RHEX: variants seen among roughly 807,000 people sequenced by gnomAD.
The protein encoded by RHEX is regulator of hemoglobinization and erythroid cell expansion.
A neutral mutation model predicts 20.1 loss-of-function variants in RHEX; 18 were observed. That is an observed-to-expected ratio of 0.90 (90% confidence interval 0.62 to 1.33). The LOEUF is 1.33. Among genes scored for constraint, RHEX ranks in the 40% most tolerant of loss-of-function variants. The pLI, the probability that RHEX is intolerant of heterozygous loss-of-function variation, is 0.00. For missense variants in RHEX, 192 were observed against 214.3 expected, an observed-to-expected ratio of 0.90 and a Z score of 0.65; for synonymous variants, 87 against 77.1, an observed-to-expected ratio of 1.13 and a Z score of -0.67.
Position 206,097,842 on chromosome 1 carries a change from G to T in RHEX, c.11+3G>T, listed in dbSNP as rs1199548385. On this transcript the variant is annotated splice_donor_region_variant and intron_variant, in intron 2 of 5. Coordinates refer to ENST00000331555, the MANE Select transcript of RHEX (RefSeq NM_001007544.4). ...AAGGAGCTCATCATGCTGACAGAGT[G>T]AGTGGGCCCAACAAGAGCAGGAGCA... 1 of 1,602,670 alleles carries T rather than the reference G, an allele frequency of 6.2e-7. No homozygotes were observed. The highest frequency in any genetic ancestry group is 8.6e-7 in the Non-Finnish European group (1 of 1,169,476).
At chr1:206,055,443 C>T (rs1225961366) in intron 1 of RHEX, among the ~76,000 whole-genome samples, 1 of 152,224 alleles carries the variant, frequency 6.6e-6, no homozygotes, top group Non-Finnish European at 1.5e-5. Context: ...TTTGGCTATC[C>T]CTTTCACCCT....
chr1:206,054,753 A>G (rs1553282346), intron 1 of RHEX, among the ~76,000 whole-genome samples: 4 of 152,400 alleles, frequency 2.6e-5, no homozygotes, highest in South Asian at 2.1e-4. Flanking sequence ...TCAGTTTAAA[A>G]TTAATAACAC....
intron 1 of RHEX, among the ~76,000 whole-genome samples, chr1:206,075,362 G>C (rs28814014): frequency 1.5e-3 from 228 of 152,308 alleles, no homozygotes; most frequent in African/African-American, 5.3e-3. Flanking sequence ...TGGATCATTG[G>C]CAGTGGACAT....
chr1:206,066,902 C>T (rs1662433586), intron 1 of RHEX, among the ~76,000 whole-genome samples: 1 of 152,180 alleles, frequency 6.6e-6, no homozygotes, highest in Admixed American at 6.5e-5. Flanking sequence ...ACATAAGGCA[C>T]AAAGCCACTT....
chr1:206,087,982 G>A (rs1427269913), intron 1 of RHEX, among the ~76,000 whole-genome samples: 3 of 152,218 alleles, frequency 2.0e-5, no homozygotes, highest in Middle Eastern at 3.4e-3. Context: ...AAAATAGGCC[G>A]GGTGCAGCGG....
At chr1:206,085,727 T>G (rs1040465586) in intron 1 of RHEX, among the ~76,000 whole-genome samples, 14 of 152,208 alleles carry the variant, frequency 9.2e-5, no homozygotes, top group African/African-American at 2.9e-4. Context: ...GAATCTCACT[T>G]TTTAGTCCAT....
chr1:206,081,906 C>T (rs782447130), intron 1 of RHEX, among the ~76,000 whole-genome samples: 16 of 152,138 alleles, frequency 1.1e-4, no homozygotes, highest in Non-Finnish European at 2.1e-4. Flanking sequence ...CCACAGTTAG[C>T]TGTAGCTTGA....
intron 1 of RHEX, among the ~76,000 whole-genome samples, chr1:206,080,720 C>T (rs1436208138): frequency 1.3e-5 from 2 of 152,202 alleles, no homozygotes; most frequent in Admixed American, 1.3e-4. Context: ...TGTCCCAGGG[C>T]TTGGCAGTTG....
intron 1 of RHEX, among the ~76,000 whole-genome samples, chr1:206,055,892 G>A (rs1329194476): frequency 1.3e-5 from 2 of 152,236 alleles, no homozygotes; most frequent in Non-Finnish European, 2.9e-5. Context: ...TCCAAACGCT[G>A]GCCCCCATGT....
chr1:206,071,344 G>A (rs73088164), intron 1 of RHEX, among the ~76,000 whole-genome samples: 5,847 of 152,058 alleles, frequency 0.038, 386 homozygotes, highest in African/African-American at 0.13. Context: ...AGATTAGATG[G>A]GTCCACCCGG....
Position 206,099,691 on chromosome 1 carries a change from T to C in RHEX, c.149T>C (p.Leu50Pro), listed in dbSNP as rs1249135839. The C allele has an allele frequency of 6.2e-6, 10 of 1,613,998 alleles. No homozygotes were observed. In the Admixed American group the frequency reaches 1.2e-4, roughly 19 times the overall value. The stretch of plus-strand genomic sequence containing the variant: ...GAACAGATACTGAAAGCGGCCAGTC[T>C]CCAGGTTCCCAGGCCCAGCCCTGGC... ...KSEQILKAAS[L>P]QVPRPSPGHH... The change falls in exon 4 of 6, where the codon CTC becomes CCC. Residue 50 changes from leucine (L) to proline (P), a missense_variant. Coordinates refer to ENST00000331555, the MANE Select transcript of RHEX (RefSeq NM_001007544.4).
intron 1 of RHEX, among the ~76,000 whole-genome samples, chr1:206,096,878 G>T (rs782435441): frequency 6.6e-6 from 1 of 150,674 alleles, no homozygotes; most frequent in South Asian, 2.1e-4. Flanking sequence ...GGGATCAAGC[G>T]ATCCTCCCAC....
At chr1:206,090,809 A>G (rs1662935809) in intron 1 of RHEX, among the ~76,000 whole-genome samples, 1 of 151,944 alleles carries the variant, frequency 6.6e-6, no homozygotes, top group African/African-American at 2.4e-5. Flanking sequence ...GCTAAATCTC[A>G]TGGTATTTTT....
At chr1:206,074,862 G>A (rs938968330) in intron 1 of RHEX, among the ~76,000 whole-genome samples, 4 of 152,134 alleles carry the variant, frequency 2.6e-5, no homozygotes, top group African/African-American at 9.7e-5. Context: ...GACCCTCCCA[G>A]CCCCCTCATA....
intron 1 of RHEX, among the ~76,000 whole-genome samples, chr1:206,059,509 C>T (rs1662264163): frequency 6.6e-6 from 1 of 152,214 alleles, no homozygotes; most frequent in Non-Finnish European, 1.5e-5. Flanking sequence ...CTGCATTGCA[C>T]AGCCAGCTCC....
intron 1 of RHEX, among the ~76,000 whole-genome samples, chr1:206,071,426 C>T (rs949931725): frequency 6.6e-6 from 1 of 151,658 alleles, no homozygotes; most frequent in African/African-American, 2.4e-5. Flanking sequence ...TCCTCACAGA[C>T]ATACCCAGGA....
intron 1 of RHEX, 143 bp from the exon 2 acceptor site, chr1:206,097,590 A>G: frequency 1.7e-6 from 1 of 593,456 alleles, no homozygotes; most frequent in South Asian, 2.0e-5. Flanking sequence ...TCTAGAATGT[A>G]TCATGTAGGA....
At chr1:206,068,429 A>G (rs782083845) in intron 1 of RHEX, among the ~76,000 whole-genome samples, 2 of 152,222 alleles carry the variant, frequency 1.3e-5, no homozygotes, top group African/African-American at 2.4e-5. Context: ...GAACACAGAC[A>G]TGCCTTATAG....
intron 3 of RHEX, among the ~76,000 whole-genome samples, chr1:206,099,203 G>T (rs1418171277): frequency 6.6e-6 from 1 of 152,172 alleles, no homozygotes; most frequent in Non-Finnish European, 1.5e-5. Context: ...CCATGGCAGG[G>T]TTTTGAGCAC....
Sources: allele counts gnomAD v4.1 joint callset (sites outside exome capture counted in the v4.1 genomes callset), GRCh38; gene constraint gnomAD v4.1.1; transcripts MANE v1.5; gene names NCBI Gene and HGNC (gene_info 2026-07-23, HGNC 2026-07-21).